Variants in CALCRL observed in about 807,000 individuals in gnomAD.
The protein encoded by CALCRL is calcitonin receptor like receptor, also known as calcitonin gene-related peptide type 1 receptor.
CALCRL carries 27 observed loss-of-function variants against 60.4 expected under a neutral mutation model. The ratio of observed to expected loss-of-function variants is 0.45; its 90% CI spans 0.33 to 0.62. The LOEUF (loss-of-function observed/expected upper bound fraction) is 0.62. CALCRL is among the 20% of genes least tolerant of loss of function. The pLI, the probability that CALCRL is intolerant of heterozygous loss-of-function variation, is 0.03. For synonymous variants in CALCRL, 190 were observed against 182.6 expected, an observed-to-expected ratio of 1.04 and a Z score of -0.33; for missense variants, 424 against 540.7, an observed-to-expected ratio of 0.78 and a Z score of 2.14.
chr2:187,382,358 C>T (rs1342657858), intron 5 of CALCRL, among the ~76,000 whole-genome samples: 1 of 152,132 alleles, frequency 6.6e-6, no homozygotes, highest in East Asian at 1.9e-4. Context: ...ACTTCTCTTA[C>T]CACAGAATAC....
intron 5 of CALCRL, among the ~76,000 whole-genome samples, chr2:187,381,803 CATGAG>C (rs1687997105): frequency 6.6e-6 from 1 of 152,106 alleles, no homozygotes; most frequent in Non-Finnish European, 1.5e-5. Context: ...TTGATTGCTG[CATGAG>C]ATGTTTATTG....
intron 12 of CALCRL, among the ~76,000 whole-genome samples, chr2:187,354,958 G>C (rs190872909): frequency 8.6e-5 from 13 of 151,978 alleles, no homozygotes; most frequent in Admixed American, 2.6e-4. Flanking sequence ...GAATCTCCTG[G>C]GTAGCCCAAA....
At chr2:187,440,301 A>G (rs1690836140) in intron 1 of CALCRL, among the ~76,000 whole-genome samples, 1 of 152,176 alleles carries the variant, frequency 6.6e-6, no homozygotes, top group Admixed American at 6.5e-5. Flanking sequence ...AAAAATGTAG[A>G]CCAGAATGTA....
rs182608071 is a variant in CALCRL at position 187,379,067 on chromosome 2, T to A, written c.409-36A>T. On this transcript the variant is annotated intron_variant, in intron 7 of 14. Transcript: ENST00000392370. Reference sequence around the variant, plus strand: ...TATAAACAAAAAAATTTGGTTCATATCAATACTATAAGTATCTGTAATCCC... The same window carrying A: ...TATAAACAAAAAAATTTGGTTCATAACAATACTATAAGTATCTGTAATCCC... 1.0e-4 allele frequency: 109 copies of A among 1,063,852 alleles called. No homozygotes were observed. The East Asian group carries it at 2.4e-3, about 23-fold the overall frequency. 65.9% of individuals were successfully genotyped at this position (1,063,852 alleles called of 1,614,324 possible).
chr2:187,394,159 G>C (rs922291279), intron 1 of CALCRL, among the ~76,000 whole-genome samples: 1 of 152,078 alleles, frequency 6.6e-6, no homozygotes, highest in Non-Finnish European at 1.5e-5. Context: ...ATTCCTTGTT[G>C]CTGACTCTGC....
intron 9 of CALCRL, among the ~76,000 whole-genome samples, chr2:187,361,213 C>A (rs538438131): frequency 6.6e-6 from 1 of 152,000 alleles, no homozygotes; most frequent in African/African-American, 2.4e-5. Flanking sequence ...CATGCAAATG[C>A]TTATTAAGAA....
At chr2:187,349,563 A>G (rs1435713768) in intron 14 of CALCRL, among the ~76,000 whole-genome samples, 1 of 151,712 alleles carries the variant, frequency 6.6e-6, no homozygotes, top group Non-Finnish European at 1.5e-5. Flanking sequence ...AGAGAAATGA[A>G]TCATACTGAA....
chr2:187,383,085 G>A (rs1688046110), intron 5 of CALCRL, 88 bp downstream of exon 5: 1 of 1,268,544 alleles, frequency 7.9e-7, no homozygotes, highest in Non-Finnish European at 1.1e-6. Context: ...TTTTAATAAT[G>A]GACCTAAAGC....
At chr2:187,371,987 C>T (rs1182835616) in intron 8 of CALCRL, among the ~76,000 whole-genome samples, 1 of 152,054 alleles carries the variant, frequency 6.6e-6, no homozygotes, top group Non-Finnish European at 1.5e-5. Flanking sequence ...CTTTGGTCTA[C>T]CAGTTGGATA....
chr2:187,352,806 A>T (rs1307884375), intron 12 of CALCRL, among the ~76,000 whole-genome samples: 1 of 151,904 alleles, frequency 6.6e-6, no homozygotes, highest in Non-Finnish European at 1.5e-5. Flanking sequence ...TTCAAACCAA[A>T]AACTTTCCTG....
At chr2:187,400,774 A>T (rs903209998) in intron 1 of CALCRL, among the ~76,000 whole-genome samples, 7 of 151,124 alleles carry the variant, frequency 4.6e-5, no homozygotes, top group African/African-American at 1.5e-4. Context: ...GTGAAAAAAG[A>T]CAGTAAAAAA....
rs1460213613 is a variant in CALCRL, at chr2:187,387,772, A to C, written c.-292-16T>G. On this transcript the variant is annotated splice_polypyrimidine_tract_variant and intron_variant, in intron 1 of 14. Transcript: ENST00000392370. ...GGGTCAAGACCTGAAATATTGATGA[A>C]TGTAATAATTTAATATTATGCTAAT... 5.1e-6 allele frequency: 2 copies of C among 395,758 alleles called. No individual in the cohort carries two copies. Among genetic ancestry groups the C allele is most frequent in the African/African-American group, 4.1e-5 (2 of 48,564 alleles). The allele number at this position is 395,758 out of a possible 1,614,324, so 24.5% of individuals were successfully genotyped here.
chr2:187,392,508 C>G (rs1232596095), intron 1 of CALCRL, among the ~76,000 whole-genome samples: 2 of 152,062 alleles, frequency 1.3e-5, no homozygotes, highest in East Asian at 1.9e-4. Flanking sequence ...AATAAACACT[C>G]TACTCCAATC....
intron 12 of CALCRL, among the ~76,000 whole-genome samples, chr2:187,353,335 C>T (rs1337891036): frequency 6.6e-6 from 1 of 151,896 alleles, no homozygotes; most frequent in Non-Finnish European, 1.5e-5. Flanking sequence ...GTTCTGGCAT[C>T]TGCCCTTTGT....
intron 8 of CALCRL, among the ~76,000 whole-genome samples, chr2:187,366,429 C>G (rs1469486874): frequency 2.6e-5 from 4 of 151,698 alleles, no homozygotes; most frequent in Non-Finnish European, 5.9e-5. Flanking sequence ...TTTCCCAACA[C>G]AAAGAAATTA....
intron 1 of CALCRL, among the ~76,000 whole-genome samples, chr2:187,415,977 C>T (rs565954557): frequency 6.6e-6 from 1 of 152,170 alleles, no homozygotes; most frequent in Admixed American, 6.5e-5. Context: ...CATGCAGACC[C>T]CCTGAAGACG....
intron 1 of CALCRL, among the ~76,000 whole-genome samples, chr2:187,447,377 T>C (rs1691239231): frequency 1.3e-5 from 2 of 151,940 alleles, no homozygotes; most frequent in Non-Finnish European, 2.9e-5. Context: ...CTAGGTTTTT[T>C]TTTTTCTTTG....
Position 187,360,738 on chromosome 2 carries a change from A to C in CALCRL, c.641T>G (p.Val214Gly), listed in dbSNP as rs760458593. Residue 214 changes from valine (V) to glycine (G), a missense_variant, in exon 10 of 15, where the codon GTG (valine) becomes GGG (glycine). Val to Gly is a moderately radical substitution (Grantham distance 109). Around this residue, in one of 7 missense-constraint regions of CALCRL, gnomAD observed 43 missense variants for 40.9 expected, o/e 1.05. Coordinates refer to ENST00000392370, the MANE Select transcript of CALCRL (RefSeq NM_005795.6). ...CAGGTAAAGATGAATGAACTGGGAC[A>C]CTTTGCAACTAACCTGTGAGGAAAA... is the stretch of plus-strand genomic sequence containing the variant. Reference protein sequence around the residue: ...LVATNPVSCKVSQFIHLYLMG... With the variant: ...LVATNPVSCKGSQFIHLYLMG... 6.2e-7 allele frequency: 1 copy of C among 1,602,228 alleles called. No homozygotes were observed. Among genetic ancestry groups the C allele is most frequent in the Non-Finnish European group, 8.5e-7 (1 of 1,176,202 alleles).
chr2:187,350,487 G>T (rs1454294602), intron 14 of CALCRL, among the ~76,000 whole-genome samples: 2 of 150,730 alleles, frequency 1.3e-5, no homozygotes, highest in Non-Finnish European at 1.5e-5. Flanking sequence ...TATAGCAGAA[G>T]AATTATGGAA....
Sources: gnomAD v4.1 joint callset for allele counts (sites outside exome capture counted in the v4.1 genomes callset) on GRCh38, gnomAD v4.1.1 for gene constraint, gnomAD v4.1.1 regional missense constraint, MANE v1.5 for transcripts, NCBI Gene and HGNC (gene_info 2026-07-23, HGNC 2026-07-21) for gene names.